Variants in ST8SIA1 observed in about 807,000 individuals in gnomAD.
The protein encoded by ST8SIA1 is alpha-N-acetylneuraminide alpha-2,8-sialyltransferase.
ST8SIA1 carries 16 observed loss-of-function variants against 35.9 expected under a neutral mutation model. The observed-to-expected ratio is 0.45, with a 90% CI of 0.30 to 0.68. The LOEUF (loss-of-function observed/expected upper bound fraction) is 0.68. ST8SIA1 is among the 30% of genes least tolerant of loss of function. The pLI is 0.09. For synonymous variants in ST8SIA1, 170 were observed against 169.6 expected (o/e 1.00, Z -0.02); for missense variants, 383 against 453.6 (o/e 0.84, Z 1.41).
chr12:22,330,000 T>C (rs777639906), intron 1 of ST8SIA1, among the ~76,000 whole-genome samples: 1 of 152,206 alleles, frequency 6.6e-6, no homozygotes, highest in Non-Finnish European at 1.5e-5. Flanking sequence ...GACTCCTGGC[T>C]TCGTCCTACC....
intron 1 of ST8SIA1, chr12:22,326,129 C>T: frequency 2.3e-6 from 1 of 431,996 alleles, no homozygotes; most frequent in Non-Finnish European, 4.0e-6. Flanking sequence ...GGGAGAACTG[C>T]TGTTAATTAG....
intron 2 of ST8SIA1, among the ~76,000 whole-genome samples, chr12:22,285,137 T>C (rs1482765993): frequency 1.3e-5 from 2 of 152,248 alleles, no homozygotes; most frequent in Non-Finnish European, 2.9e-5. Flanking sequence ...CTGCCTTTCC[T>C]GGACTTCTTC....
chr12:22,297,481 T>G lies in ST8SIA1; in HGVS notation c.237-10188A>C, dbSNP rs551039026. On this transcript the variant is annotated intron_variant, in intron 1 of 4. Transcript: ENST00000396037. ...GTGGGTAAGATTCAAAATTATTTTCTGAGAAAAACTTTGGCTTTGTGCTAT... is the reference window on the plus strand; with the variant it reads ...GTGGGTAAGATTCAAAATTATTTTCGGAGAAAAACTTTGGCTTTGTGCTAT... Among the ~76,000 whole-genome samples the G allele has an allele frequency of 3.9e-5, 6 of 152,106 alleles. No individual in the cohort carries two copies. The South Asian group carries it at 6.2e-4, about 16-fold the overall frequency.
intron 2 of ST8SIA1, among the ~76,000 whole-genome samples, chr12:22,262,443 C>T (rs1485307650): frequency 1.3e-5 from 2 of 152,138 alleles, no homozygotes; most frequent in African/African-American, 4.8e-5. Flanking sequence ...CCACCCCCAA[C>T]CCTGAACAGC....
chr12:22,226,001 C>T (rs778201953), intron 4 of ST8SIA1, among the ~76,000 whole-genome samples: 8 of 152,080 alleles, frequency 5.3e-5, no homozygotes, highest in Non-Finnish European at 8.8e-5. Context: ...ACCAGCACAC[C>T]GTTTCAATCT....
chr12:22,287,917 C>A lies in ST8SIA1; in HGVS notation c.237-624G>T, dbSNP rs944076541. The stretch of plus-strand genomic sequence containing the variant: ...CCTTCTCACTGCTAAACCTCATGGG[C>A]CTTTTTGGTTCTCACTTTGGCCTCT... On this transcript the variant is annotated intron_variant, in intron 1 of 4. Transcript: ENST00000396037. Among the ~76,000 whole-genome samples, 7 of 152,280 alleles carry A rather than the reference C, an allele frequency of 4.6e-5. No homozygotes were observed. The South Asian group carries it at 1.0e-3, about 23-fold the overall frequency.
chr12:22,285,638 G>A (rs1038939852), intron 2 of ST8SIA1, among the ~76,000 whole-genome samples: 6 of 152,078 alleles, frequency 3.9e-5, no homozygotes, highest in African/African-American at 1.2e-4. Flanking sequence ...TTGGGAGGCC[G>A]AGGTGGGCAG....
intron 4 of ST8SIA1, among the ~76,000 whole-genome samples, chr12:22,213,683 C>T (rs1447240513): frequency 1.3e-5 from 2 of 152,110 alleles, no homozygotes; most frequent in East Asian, 3.9e-4. Flanking sequence ...AGAGGTGTAG[C>T]TAGCTTGATG....
At chr12:22,324,927 TTTAA>T (rs1866655679) in intron 1 of ST8SIA1, 1 of 152,096 alleles carries the variant, frequency 6.6e-6, no homozygotes, top group South Asian at 2.1e-4. Flanking sequence ...TTAAAAGTTA[TTTAA>T]TTATATGAGA....
intron 2 of ST8SIA1, among the ~76,000 whole-genome samples, chr12:22,286,181 T>G (rs946790312): frequency 2.6e-5 from 4 of 152,190 alleles, no homozygotes; most frequent in Non-Finnish European, 2.9e-5. Context: ...ATTTCAAAAA[T>G]TAAAAGAAAA....
At chr12:22,211,696 G>A (rs1350001732) in intron 4 of ST8SIA1, among the ~76,000 whole-genome samples, 1 of 152,056 alleles carries the variant, frequency 6.6e-6, no homozygotes, top group Non-Finnish European at 1.5e-5. Context: ...AACCAGTTGT[G>A]ATTTTCTAAT....
At chr12:22,267,936 C>G (rs1047163589) in intron 2 of ST8SIA1, among the ~76,000 whole-genome samples, 2 of 152,168 alleles carry the variant, frequency 1.3e-5, no homozygotes, top group African/African-American at 4.8e-5. Flanking sequence ...TTGGCATGCA[C>G]ATCCTGCCCA....
chr12:22,289,553 T>C (rs1866149630), intron 1 of ST8SIA1, among the ~76,000 whole-genome samples: 1 of 152,220 alleles, frequency 6.6e-6, no homozygotes, highest in African/African-American at 2.4e-5. Flanking sequence ...TCTACTGAAT[T>C]CTCACAGTAA....
In ST8SIA1 at chr12:22,334,246, TC is replaced by T; in HGVS notation, c.-15del. 6.2e-7 allele frequency: 1 copy of T among 1,602,816 alleles called. No individual in the cohort carries two copies. The highest frequency in any genetic ancestry group is 8.5e-7 in the Non-Finnish European group (1 of 1,173,750). ...GCAGGGGCTCATCGCAGCCCCGGCG[TC>T]CCAGGGGCGGGGGCCGGGGCCTCAG... On this transcript the variant is annotated 5_prime_UTR_variant, in exon 1 of 5. Coordinates refer to ENST00000396037, the MANE Select transcript of ST8SIA1 (RefSeq NM_003034.4).
At chr12:22,316,632 G>A (rs991230577) in intron 1 of ST8SIA1, among the ~76,000 whole-genome samples, 41 of 152,090 alleles carry the variant, frequency 2.7e-4, no homozygotes, top group African/African-American at 9.7e-4. Context: ...AATTTTTAAA[G>A]TCGTTATGGA....
chr12:22,300,351 G>A (rs569624152), intron 1 of ST8SIA1, among the ~76,000 whole-genome samples: 13 of 152,284 alleles, frequency 8.5e-5, no homozygotes, highest in Non-Finnish European at 1.6e-4. Flanking sequence ...GGGTATGTGA[G>A]ATTGTAAGGC....
Position 22,222,613 on chromosome 12 carries a change from CAT to C in ST8SIA1, c.585-20577_585-20576del, listed in dbSNP as rs754270561. 9.5e-4 allele frequency among the ~76,000 whole-genome samples: 142 copies of C among 149,606 alleles called. 2 individuals carry two copies. The highest frequency in any genetic ancestry group is 2.9e-3 in the African/African-American group (119 of 40,954). ...TATTGACAGTTAACTAGAAAAAGAC[CAT>C]ATATATATATATACACATATACATA... On this transcript the variant is annotated intron_variant, in intron 4 of 4. Coordinates refer to ENST00000396037, the MANE Select transcript of ST8SIA1 (RefSeq NM_003034.4).
intron 4 of ST8SIA1, among the ~76,000 whole-genome samples, chr12:22,211,251 T>C (rs1006826067): frequency 2.0e-5 from 3 of 152,150 alleles, no homozygotes; most frequent in Non-Finnish European, 4.4e-5. Context: ...TCCTGTTAGG[T>C]TTTTATGGAA....
intron 4 of ST8SIA1, among the ~76,000 whole-genome samples, chr12:22,230,051 G>A (rs772951256): frequency 6.6e-6 from 1 of 152,188 alleles, no homozygotes; most frequent in African/African-American, 2.4e-5. Context: ...AGTTTCATTC[G>A]TCCAGGACTT....
Sources: gnomAD v4.1 joint callset for allele counts (sites outside exome capture counted in the v4.1 genomes callset) on GRCh38, gnomAD v4.1.1 for gene constraint, MANE v1.5 for transcripts, NCBI Gene and HGNC (gene_info 2026-07-23, HGNC 2026-07-21) for gene names.